Variants in FCHSD2 observed in about 807,000 individuals in gnomAD.
FCHSD2 encodes the protein FCH and double SH3 domains 2.
Under a neutral mutation model 108.1 loss-of-function variants are expected in FCHSD2, and 38 were observed. That is an observed-to-expected ratio of 0.35 (90% confidence interval 0.27 to 0.46). FCHSD2 has a LOEUF of 0.46. FCHSD2 is among the 20% of genes least tolerant of loss of function. The probability of loss-of-function intolerance (pLI) is 1.00; values close to 1 mark genes in which losing one functional copy is unlikely to be tolerated. For synonymous variants in FCHSD2, 279 were observed against 314.7 expected (o/e 0.89, Z 1.20); for missense variants, 751 against 897.8 (o/e 0.84, Z 2.09).
intron 9 of FCHSD2, among the ~76,000 whole-genome samples, chr11:72,916,554 A>T (rs1308022824): frequency 6.6e-6 from 1 of 152,122 alleles, no homozygotes; most frequent in African/African-American, 2.4e-5. Flanking sequence ...AGCTCAAGCA[A>T]TTCCCCCACC....
At chr11:73,041,140 C>T (rs868574357) in intron 3 of FCHSD2, among the ~76,000 whole-genome samples, 1 of 152,110 alleles carries the variant, frequency 6.6e-6, no homozygotes, top group Non-Finnish European at 1.5e-5. Context: ...TTGATGGACA[C>T]GTAGGTTGAT....
chr11:72,900,376 GA>G, intron 10 of FCHSD2: 3 of 1,308,438 alleles, frequency 2.3e-6, no homozygotes, highest in African/African-American at 1.5e-5. Flanking sequence ...CATAGAGTTA[GA>G]AATTTAAGGC....
chr11:73,038,936 A>G (rs1461052407), intron 3 of FCHSD2, among the ~76,000 whole-genome samples: 1 of 152,156 alleles, frequency 6.6e-6, no homozygotes, highest in Non-Finnish European at 1.5e-5. Flanking sequence ...TTTTTCCAGT[A>G]CATTTTTTTG....
intron 2 of FCHSD2, among the ~76,000 whole-genome samples, chr11:73,127,189 C>G (rs1860879072): frequency 6.6e-6 from 1 of 152,150 alleles, no homozygotes; most frequent in Non-Finnish European, 1.5e-5. Flanking sequence ...TAACACTTTT[C>G]ATAACACCAG....
intron 6 of FCHSD2, among the ~76,000 whole-genome samples, chr11:72,987,509 A>G (rs555460382): frequency 6.4e-4 from 98 of 152,326 alleles, no homozygotes; most frequent in African/African-American, 2.2e-3. Flanking sequence ...ATCCAATATA[A>G]AGTATTCAAC....
intron 3 of FCHSD2, among the ~76,000 whole-genome samples, chr11:73,077,375 C>G (rs958325975): frequency 6.6e-6 from 1 of 152,044 alleles, no homozygotes; most frequent in African/African-American, 2.4e-5. Flanking sequence ...TACTACACAT[C>G]TATCACAATA....
intron 12 of FCHSD2, among the ~76,000 whole-genome samples, chr11:72,880,649 C>T (rs998570604): frequency 2.0e-5 from 3 of 151,974 alleles, no homozygotes; most frequent in African/African-American, 7.2e-5. Flanking sequence ...GGCACAGTGG[C>T]TCACACCTGT....
At chr11:72,882,584 T>G (rs1855112510) in intron 12 of FCHSD2, among the ~76,000 whole-genome samples, 1 of 152,220 alleles carries the variant, frequency 6.6e-6, no homozygotes, top group Non-Finnish European at 1.5e-5. Context: ...AGGTGATAGA[T>G]ATCTTAATTA....
At chr11:73,085,614 C>A (rs1224013477) in intron 2 of FCHSD2, among the ~76,000 whole-genome samples, 1 of 152,098 alleles carries the variant, frequency 6.6e-6, no homozygotes, top group South Asian at 2.1e-4. Flanking sequence ...CACAAACCCA[C>A]GGGAAGGTGC....
intron 3 of FCHSD2, among the ~76,000 whole-genome samples, chr11:73,060,432 G>C (rs1011694945): frequency 2.6e-5 from 4 of 151,800 alleles, no homozygotes; most frequent in Non-Finnish European, 5.9e-5. Flanking sequence ...AAAATACCAG[G>C]ATAAAAAAAA....
chr11:73,001,006 T>C lies in FCHSD2; in HGVS notation c.371A>G (p.Glu124Gly). 9.3e-6 allele frequency: 15 copies of C among 1,609,006 alleles called. No homozygotes were observed. The highest frequency in any genetic ancestry group is 1.2e-5 in the Non-Finnish European group (14 of 1,177,620). ...EPARTVRSLKEQQLKRCVDQL... is the reference protein window; with the variant it reads ...EPARTVRSLKGQQLKRCVDQL... Reference sequence around the variant, plus strand: ...AAACAATACCCTTTTTAGTTGCTGTTCTTTTAAGCTTCTCACTGTCCTTGC... The same window carrying C: ...AAACAATACCCTTTTTAGTTGCTGTCCTTTTAAGCTTCTCACTGTCCTTGC... Residue 124 changes from glutamate to glycine, a missense_variant, in exon 5 of 20, where the codon GAA becomes GGA. Glu to Gly is a moderately conservative substitution (Grantham distance 98). Transcript: ENST00000409418.
intron 19 of FCHSD2, among the ~76,000 whole-genome samples, chr11:72,840,374 C>T (rs1054115939): frequency 3.9e-5 from 6 of 152,134 alleles, no homozygotes; most frequent in African/African-American, 1.2e-4. Context: ...GATTACCGTG[C>T]AAGTTATGAC....
At chr11:73,125,914 T>C (rs1410292915) in intron 2 of FCHSD2, among the ~76,000 whole-genome samples, 3 of 152,318 alleles carry the variant, frequency 2.0e-5, no homozygotes, top group Middle Eastern at 3.4e-3. Flanking sequence ...AGCTGGCTAA[T>C]GCAAAACTAC....
At chr11:72,917,192 C>T (rs1855891812) in intron 9 of FCHSD2, among the ~76,000 whole-genome samples, 2 of 152,080 alleles carry the variant, frequency 1.3e-5, no homozygotes, top group South Asian at 4.2e-4. Flanking sequence ...ACCATATTGG[C>T]CAGGCTGGTC....
chr11:72,846,110 T>C (rs1172231484), intron 14 of FCHSD2, among the ~76,000 whole-genome samples: 2 of 151,734 alleles, frequency 1.3e-5, no homozygotes, highest in African/African-American at 4.8e-5. Context: ...TTACGATTAC[T>C]TTTGACTTGA....
intron 5 of FCHSD2, among the ~76,000 whole-genome samples, chr11:72,991,099 C>A (rs547810415): frequency 6.6e-6 from 1 of 152,318 alleles, no homozygotes; most frequent in East Asian, 1.9e-4. Context: ...CGCAAATAAA[C>A]TAGAAAATCT....
At chr11:73,106,002 T>G (rs1245993683) in intron 2 of FCHSD2, among the ~76,000 whole-genome samples, 1 of 152,232 alleles carries the variant, frequency 6.6e-6, no homozygotes, top group Non-Finnish European at 1.5e-5. Context: ...CATCCAAGGA[T>G]TTCCAGAATT....
chr11:72,850,432 A>G (rs1861255226), intron 13 of FCHSD2, among the ~76,000 whole-genome samples: 1 of 151,526 alleles, frequency 6.6e-6, no homozygotes, highest in Admixed American at 6.6e-5. Flanking sequence ...GCTTGAGTGT[A>G]GTGGCGTGAT....
At chr11:72,878,866 G>T (rs1049881238) in intron 12 of FCHSD2, among the ~76,000 whole-genome samples, 2 of 152,088 alleles carry the variant, frequency 1.3e-5, no homozygotes, top group Non-Finnish European at 2.9e-5. Context: ...CAGCACTTTG[G>T]GAGGCCGAGG....
Sources: allele counts gnomAD v4.1 joint callset (sites outside exome capture counted in the v4.1 genomes callset), GRCh38; gene constraint gnomAD v4.1.1; transcripts MANE v1.5; gene names NCBI Gene and HGNC (gene_info 2026-07-23, HGNC 2026-07-21).